The following TAS1R2 variants were observed in gnomAD, a reference collection of about 807,000 sequenced individuals.
The protein encoded by TAS1R2 is taste receptor type 1 member 2.
In TAS1R2, 47 loss-of-function variants were observed where a neutral mutation model predicts 49.3. That is an observed-to-expected ratio of 0.95 (90% confidence interval 0.75 to 1.22). TAS1R2 has a LOEUF of 1.22. Among genes scored for constraint, TAS1R2 ranks in the 50% most tolerant of loss-of-function variants. The pLI, the probability that TAS1R2 is intolerant of heterozygous loss-of-function variation, is 0.00. For synonymous variants in TAS1R2, 479 were observed against 467.9 expected (o/e 1.02, Z -0.31); for missense variants, 1,155 against 1,122.1 (o/e 1.03, Z -0.42).
chr1:18,854,197 G>T lies in TAS1R2; in HGVS notation c.1257+16C>A, dbSNP rs1395295429. On this transcript the variant is annotated intron_variant, in intron 3 of 5. Transcript: ENST00000375371. The surrounding 1 kb of genome is among the most constrained non-coding windows in gnomAD (Gnocchi z 4.9). The stretch of plus-strand genomic sequence containing the variant: ...ATGGAGGTGCCCTGCAGACTCTATG[G>T]CAGCCACCCCCTCACCTGCCAGGGG... 1.2e-6 allele frequency: 2 copies of T among 1,608,830 alleles called. No individual in the cohort carries two copies. Among genetic ancestry groups the T allele is most frequent in the South Asian group, 1.1e-5 (1 of 90,632 alleles).
rs531254809 is a variant in TAS1R2 at position 18,843,897 on chromosome 1, G to A, written c.1468-2045C>T. On this transcript the variant is annotated intron_variant, in intron 4 of 5. Coordinates refer to ENST00000375371, the Ensembl canonical transcript of TAS1R2. ...ATAAGGGAAATGGTATCCAAGAAGCGCCAGTGGGTCCAAGTAAATTTCTTA... is the reference window on the plus strand; with the variant it reads ...ATAAGGGAAATGGTATCCAAGAAGCACCAGTGGGTCCAAGTAAATTTCTTA... 5.3e-5 allele frequency among the ~76,000 whole-genome samples: 8 copies of A among 152,310 alleles called. No homozygotes were observed. The South Asian group carries it at 1.0e-3, about 20-fold the overall frequency.
At chr1:18,843,562 G>T (rs1020097929) in intron 4 of TAS1R2, among the ~76,000 whole-genome samples, 10 of 152,306 alleles carry the variant, frequency 6.6e-5, no homozygotes, top group African/African-American at 1.7e-4. Context: ...CAAGGCAGAG[G>T]GTAACAAGTC....
At position 18,840,377 on chromosome 1, in the gene TAS1R2, AG is replaced by A. The variant is rs1933799692; in HGVS notation, c.1741del (p.Leu581TrpfsTer5). ...CCTCCAGAATATCACCAGGATGGCC[AG>A]GGTGCTGAGGAAGCCCAGGGCGGCC... On this transcript the variant is annotated frameshift_variant, in exon 6 of 6. Transcript: ENST00000375371. LOFTEE classifies it low-confidence loss of function (END_TRUNC). 6.2e-7 allele frequency: 1 copy of A among 1,614,172 alleles called. No homozygotes were observed. Among genetic ancestry groups the A allele is most frequent in the Non-Finnish European group, 8.5e-7 (1 of 1,180,038 alleles).
rs1366001733 is a variant in TAS1R2 at position 18,851,572 on chromosome 1, A to G, written c.1258-2022T>C. Among the ~76,000 whole-genome samples the G allele has an allele frequency of 3.3e-5, 5 of 152,088 alleles. No homozygotes were observed. The South Asian group carries it at 1.0e-3, about 32-fold the overall frequency. The stretch of plus-strand genomic sequence containing the variant: ...TCTCGAACTCCTGACGTCATGATTC[A>G]TCTGCCTCGGCCTGCCAAACTGCTG... On this transcript the variant is annotated intron_variant, in intron 3 of 5. Coordinates refer to ENST00000375371, the Ensembl canonical transcript of TAS1R2.
At chr1:18,852,109 G>A (rs1934039632) in intron 3 of TAS1R2, among the ~76,000 whole-genome samples, 1 of 152,216 alleles carries the variant, frequency 6.6e-6, no homozygotes, top group Admixed American at 6.5e-5. Context: ...GGATTGGCAG[G>A]GTCCCTGCTC....
chr1:18,841,303 C>T (rs1386730585), intron 5 of TAS1R2, among the ~76,000 whole-genome samples: 4 of 152,236 alleles, frequency 2.6e-5, no homozygotes, highest in Admixed American at 6.5e-5. Flanking sequence ...CTTTGAGCTA[C>T]GCTAGGCACT....
At chr1:18,842,307 C>T (rs1368171715) in intron 4 of TAS1R2, among the ~76,000 whole-genome samples, 5 of 152,140 alleles carry the variant, frequency 3.3e-5, no homozygotes, top group Non-Finnish European at 5.9e-5. Flanking sequence ...TCTATCTCAC[C>T]ACCACATCAA....
Position 18,854,962 on chromosome 1 carries a change from C to T in TAS1R2, c.508G>A (p.Glu170Lys), listed in dbSNP as rs1252417983. 6.8e-6 allele frequency: 11 copies of T among 1,606,470 alleles called. No homozygotes were observed. The highest frequency in any genetic ancestry group is 2.7e-5 in the African/African-American group (2 of 74,774). Residue 170 changes from glutamate (E) to lysine (K), a missense_variant, in exon 3 of 6, where the codon GAG (glutamate) becomes AAG (lysine). Physicochemically the swap from Glu to Lys is moderately conservative, Grantham distance 56. Coordinates refer to ENST00000375371, the Ensembl canonical transcript of TAS1R2. This position sits in a 1 kb window ranked among gnomAD's most constrained non-coding sequence, Gnocchi z 4.9. ...GGGAAGCGCACCTTGTCTCGCAGCT[C>T]ATCGCTGATGGCGCTGTAGGTGATC...
Position 18,854,987 on chromosome 1 carries a change from C to T in TAS1R2, c.484-1G>A, listed in dbSNP as rs774148470. 1.2e-6 allele frequency: 2 copies of T among 1,601,398 alleles called. No homozygotes were observed. Among genetic ancestry groups the T allele is most frequent in the South Asian group, 2.2e-5 (2 of 90,542 alleles). Reference sequence around the variant, plus strand: ...CATCGCTGATGGCGCTGTAGGTGATCTGCAAGGGGAAGGGCTGTGGCATGA... The same window carrying T: ...CATCGCTGATGGCGCTGTAGGTGATTTGCAAGGGGAAGGGCTGTGGCATGA... On this transcript the variant is annotated splice_acceptor_variant, in intron 2 of 5. Transcript: ENST00000375371. LOFTEE classifies it high-confidence loss of function. This position sits in a 1 kb window ranked among gnomAD's most constrained non-coding sequence, Gnocchi z 4.9.
intron 3 of TAS1R2, among the ~76,000 whole-genome samples, chr1:18,850,173 A>C (rs6603923): frequency 0.2 from 29,787 of 152,028 alleles, 3,552 homozygotes; most frequent in East Asian, 0.44. Flanking sequence ...ACTAGAGCAC[A>C]CTTTGAACTG....
At chr1:18,845,308 T>C (rs540632162) in intron 4 of TAS1R2, among the ~76,000 whole-genome samples, 2 of 152,280 alleles carry the variant, frequency 1.3e-5, no homozygotes, top group East Asian at 3.9e-4. Context: ...TCAGCTAAGG[T>C]ACCATCTTCA....
intron 2 of TAS1R2, among the ~76,000 whole-genome samples, chr1:18,857,128 A>C (rs1934149959): frequency 6.6e-6 from 1 of 152,218 alleles, no homozygotes; most frequent in African/African-American, 2.4e-5. Flanking sequence ...CAAGTTGCAC[A>C]ACCAGATCTG....
intron 2 of TAS1R2, among the ~76,000 whole-genome samples, chr1:18,855,929 C>G (rs1439105231): frequency 2.6e-5 from 4 of 152,160 alleles, no homozygotes; most frequent in Non-Finnish European, 5.9e-5. Flanking sequence ...TACCAGCTCC[C>G]CACTCCCTCC....
At position 18,854,387 on chromosome 1, in the gene TAS1R2, C is replaced by G. The variant is rs146340326; in HGVS notation, c.1083G>C (p.Gln361His). The G allele has an allele frequency of 4.3e-6, 7 of 1,613,992 alleles. No homozygotes were observed. The highest frequency in any genetic ancestry group is 5.9e-6 in the Non-Finnish European group (7 of 1,179,946). Reference sequence around the variant, plus strand: ...TGGCGTTCAGGCAGTTGTCGCACTCCTGGTTGCAGGTATAGCTCTGGCTGG... The same window carrying G: ...TGGCGTTCAGGCAGTTGTCGCACTCGTGGTTGCAGGTATAGCTCTGGCTGG... The change falls in exon 3 of 6, where the codon CAG (glutamine) becomes CAC (histidine). Residue 361 changes from glutamine to histidine, a missense_variant. Transcript: ENST00000375371. This position sits in a 1 kb window ranked among gnomAD's most constrained non-coding sequence, Gnocchi z 4.9.
chr1:18,839,690 G>A, exon 6 of TAS1R2: 3 of 1,614,230 alleles, frequency 1.9e-6, no homozygotes, highest in Non-Finnish European at 2.5e-6. Context: ...GTAGCACTTG[G>A]GGCCGAAGTA....
exon 6 of TAS1R2, chr1:18,840,239 A>G (rs763586685): frequency 6.2e-7 from 1 of 1,613,946 alleles, no homozygotes; most frequent in Non-Finnish European, 8.5e-7. Context: ...GCAGGTGGAG[A>G]CCTTGGGCGG....
intron 4 of TAS1R2, among the ~76,000 whole-genome samples, chr1:18,845,277 A>G (rs1190286731): frequency 1.3e-5 from 2 of 152,200 alleles, no homozygotes; most frequent in Non-Finnish European, 2.9e-5. Context: ...TAACCAGGTG[A>G]TGAGATGACA....
chr1:18,845,729 AC>A (rs1933908661), intron 4 of TAS1R2, among the ~76,000 whole-genome samples: 2 of 152,152 alleles, frequency 1.3e-5, no homozygotes, highest in Admixed American at 6.5e-5. Flanking sequence ...TCACCAGGCA[AC>A]CCTGGGTGCT....
Position 18,857,639 on chromosome 1 carries a change from G to C in TAS1R2, c.183-8C>G, listed in dbSNP as rs983629797. ...ATCACCTTCACTTCATACCTGGAGG[G>C]GCCACAGCATCATGAGGTGGAAGCA... On this transcript the variant is annotated splice_region_variant and splice_polypyrimidine_tract_variant and intron_variant, in intron 1 of 5. Coordinates refer to ENST00000375371, the Ensembl canonical transcript of TAS1R2. 3 of 1,607,810 alleles carry C rather than the reference G, an allele frequency of 1.9e-6. No individual in the cohort carries two copies. The highest frequency in any genetic ancestry group is 2.5e-6 in the Non-Finnish European group (3 of 1,176,512).
Sources: allele counts gnomAD v4.1 joint callset (sites outside exome capture counted in the v4.1 genomes callset), GRCh38; gene constraint gnomAD v4.1.1; non-coding constraint Gnocchi (gnomAD v3.1); transcripts MANE v1.5; gene names NCBI Gene and HGNC (gene_info 2026-07-23, HGNC 2026-07-21).